The following ELP4 variants were observed in gnomAD, a reference collection of about 807,000 sequenced individuals.
The protein encoded by ELP4 is elongator acetyltransferase complex subunit 4, also known as elongator complex protein 4.
In ELP4, 51 loss-of-function variants were observed where a neutral mutation model predicts 48.9. That is an observed-to-expected ratio of 1.04 (90% CI 0.83 to 1.32). The LOEUF (loss-of-function observed/expected upper bound fraction) is 1.32. ELP4 is among the 40% of genes most tolerant of loss of function. The pLI is 0.00. For synonymous variants in ELP4, 210 were observed against 189.2 expected (o/e 1.11, Z -0.90); for missense variants, 519 against 514.6 (o/e 1.01, Z -0.08).
At chr11:31,655,188 T>C (rs937738648) in intron 9 of ELP4, among the ~76,000 whole-genome samples, 2 of 152,016 alleles carry the variant, frequency 1.3e-5, no homozygotes, top group African/African-American at 4.8e-5. Context: ...TCAAGTGATA[T>C]CAGCATATAA....
chr11:31,709,626 T>C (rs1019456724), intron 9 of ELP4, among the ~76,000 whole-genome samples: 3 of 152,172 alleles, frequency 2.0e-5, no homozygotes, highest in African/African-American at 7.2e-5. Context: ...AAAGAAAGTA[T>C]CTTAGTTTGA....
intron 4 of ELP4, among the ~76,000 whole-genome samples, chr11:31,603,030 A>G (rs1957810633): frequency 6.6e-6 from 1 of 152,036 alleles, no homozygotes; most frequent in East Asian, 1.9e-4. Flanking sequence ...AAATAAATTC[A>G]GTGTCATATA....
In ELP4 at chr11:31,611,708, C is replaced by G. The variant is rs78091151; in HGVS notation, c.653+7801C>G. On this transcript the variant is annotated intron_variant, in intron 5 of 9. Coordinates refer to ENST00000640961, the MANE Select transcript of ELP4 (RefSeq NM_019040.5). ...TATGAGCCCAGCATTATGCTAAGTT[C>G]TAGATTATTGTAGTGAACAAAGCAG... 1.2e-4 allele frequency among the ~76,000 whole-genome samples: 19 copies of G among 152,294 alleles called. No homozygotes were observed. The East Asian group carries it at 3.3e-3, about 26-fold the overall frequency.
intron 9 of ELP4, among the ~76,000 whole-genome samples, chr11:31,664,914 T>C (rs1391033077): frequency 6.6e-6 from 1 of 152,170 alleles, no homozygotes; most frequent in East Asian, 1.9e-4. Flanking sequence ...CAATTAATAA[T>C]GTGTGACTTT....
intron 5 of ELP4, among the ~76,000 whole-genome samples, chr11:31,612,502 G>C (rs1486757104): frequency 6.6e-6 from 1 of 152,152 alleles, no homozygotes; most frequent in Non-Finnish European, 1.5e-5. Context: ...AAGGTGGAGT[G>C]AGTAGGACAA....
intron 5 of ELP4, among the ~76,000 whole-genome samples, chr11:31,608,213 C>T (rs1957909105): frequency 6.6e-6 from 1 of 151,652 alleles, no homozygotes; most frequent in South Asian, 2.1e-4. Context: ...AGGTCGATTA[C>T]CGTATAGTGG....
chr11:31,685,306 G>A (rs934361901), intron 9 of ELP4, among the ~76,000 whole-genome samples: 6 of 151,808 alleles, frequency 4.0e-5, no homozygotes, highest in South Asian at 2.1e-4. Context: ...AGCTGAGATC[G>A]CGCCATTGCA....
In ELP4 at chr11:31,787,290, A is replaced by G. The variant is rs1948719939; in HGVS notation, c.*3766A>G. 8.6e-6 allele frequency: 2 copies of G among 233,246 alleles called. No individual in the cohort carries two copies. Among genetic ancestry groups the G allele is most frequent in the Non-Finnish European group, 1.7e-5 (2 of 118,032 alleles). 14.4% of individuals were successfully genotyped at this position (233,246 alleles called of 1,614,324 possible). ...GGCAATCCTGACCTTCAGAGCACAC[A>G]TATACGTGCCCAAGTGCACACATAC... On this transcript the variant is annotated 3_prime_UTR_variant, in exon 10 of 10. Transcript: ENST00000640961.
intron 3 of ELP4, among the ~76,000 whole-genome samples, chr11:31,554,565 T>G (rs1956900709): frequency 1.3e-5 from 2 of 152,138 alleles, no homozygotes; most frequent in Non-Finnish European, 2.9e-5. Flanking sequence ...CCATACATAG[T>G]TACCATTTTT....
chr11:31,755,730 C>CAA (rs58181247), intron 9 of ELP4, among the ~76,000 whole-genome samples: 8 of 99,240 alleles, frequency 8.1e-5, no homozygotes, highest in South Asian at 3.0e-4. Context: ...CCTGGAATTA[C>CAA]AAAAAAAAAA....
At chr11:31,705,009 C>CA (rs777988313) in intron 9 of ELP4, among the ~76,000 whole-genome samples, 271 of 114,488 alleles carry the variant, frequency 2.4e-3, no homozygotes, top group Middle Eastern at 5.2e-3. Flanking sequence ...GACTCCATCT[C>CA]AAAAAAAAAA....
chr11:31,643,799 CAG>C (rs1188071366), intron 7 of ELP4, among the ~76,000 whole-genome samples: 2 of 151,520 alleles, frequency 1.3e-5, no homozygotes, highest in Admixed American at 1.3e-4. Context: ...TGAAACCAAA[CAG>C]AGAACAGTCA....
rs66609311 is a variant in ELP4 at position 31,655,378 on chromosome 11, G to GA, written c.1143+5168dup. Among the ~76,000 whole-genome samples, 130 of 149,848 alleles carry GA rather than the reference G, an allele frequency of 8.7e-4. 1 individual carries two copies. The highest frequency in any genetic ancestry group is 2.8e-3 in the African/African-American group (113 of 40,590). ...TTGGAATCTTAATTAGAAGAGATAA[G>GA]AAAAAAAAAAACATCATTTAACTAA... is the stretch of plus-strand genomic sequence containing the variant. On this transcript the variant is annotated intron_variant, in intron 9 of 9. Transcript: ENST00000640961.
At chr11:31,588,580 GT>G (rs1399648909) in intron 3 of ELP4, among the ~76,000 whole-genome samples, 1 of 151,682 alleles carries the variant, frequency 6.6e-6, no homozygotes, top group Non-Finnish European at 1.5e-5. Context: ...GTTTGAAATT[GT>G]TTTTTTTAAA....
intron 3 of ELP4, among the ~76,000 whole-genome samples, chr11:31,556,546 T>C (rs1468151024): frequency 6.6e-6 from 1 of 151,908 alleles, no homozygotes; most frequent in Non-Finnish European, 1.5e-5. Context: ...TATGTGTTAG[T>C]ATTTTTAGAA....
chr11:31,558,585 A>T (rs1396825578), intron 3 of ELP4, among the ~76,000 whole-genome samples: 1 of 152,150 alleles, frequency 6.6e-6, no homozygotes, highest in Non-Finnish European at 1.5e-5. Context: ...CCAAGCTTAG[A>T]TTTTAATTTC....
At chr11:31,738,051 A>G (rs552084511) in intron 9 of ELP4, among the ~76,000 whole-genome samples, 2 of 152,242 alleles carry the variant, frequency 1.3e-5, no homozygotes, top group Admixed American at 6.5e-5. Flanking sequence ...ATGTCCATCA[A>G]CAGATAAATG....
At chr11:31,581,041 A>C (rs1957382870) in intron 3 of ELP4, among the ~76,000 whole-genome samples, 1 of 152,086 alleles carries the variant, frequency 6.6e-6, no homozygotes, top group Non-Finnish European at 1.5e-5. Context: ...TTTTTTCTAG[A>C]GGTAACAATT....
At chr11:31,531,433 G>A (rs1329549633) in intron 2 of ELP4, among the ~76,000 whole-genome samples, 4 of 152,124 alleles carry the variant, frequency 2.6e-5, no homozygotes, top group Non-Finnish European at 4.4e-5. Context: ...TACTACTAGG[G>A]GTTAAGAGGG....
Sources: gnomAD v4.1 joint callset for allele counts (sites outside exome capture counted in the v4.1 genomes callset) on GRCh38, gnomAD v4.1.1 for gene constraint, MANE v1.5 for transcripts, NCBI Gene and HGNC (gene_info 2026-07-23, HGNC 2026-07-21) for gene names.